The following SCN11A variants were observed in gnomAD, a reference collection of about 807,000 sequenced individuals.
SCN11A encodes sodium voltage-gated channel alpha subunit 11.
In SCN11A, 122 loss-of-function variants were observed where a neutral mutation model predicts 162.2. The ratio of observed to expected loss-of-function variants is 0.75; its 90% CI spans 0.65 to 0.87. The LOEUF is 0.87. SCN11A is among the 40% of genes least tolerant of loss of function. The pLI is 0.00. For synonymous variants in SCN11A, 758 were observed against 751.5 expected (o/e 1.01, Z -0.14); for missense variants, 2,015 against 2,181.6 (o/e 0.92, Z 1.52).
chr3:38,895,803 A>G (rs143133597), intron 18 of SCN11A, among the ~76,000 whole-genome samples: 42 of 151,212 alleles, frequency 2.8e-4, no homozygotes, highest in Non-Finnish European at 2.9e-5. Context: ...ATCTTCCACG[A>G]ATCCTTTCTC....
rs1432603091 is a variant in SCN11A at position 39,034,743 on chromosome 3, TAAAC to T, written c.-403-2244_-403-2241del. Among the ~76,000 whole-genome samples the T allele has an allele frequency of 3.3e-5, 5 of 152,184 alleles. No individual in the cohort carries two copies. In the East Asian group the frequency reaches 5.8e-4, roughly 18 times the overall value. On this transcript the variant is annotated intron_variant, in intron 1 of 29. Coordinates refer to ENST00000302328, the MANE Select transcript of SCN11A (RefSeq NM_001349253.2). ...TCTATCAAAAAACTATTAGAACTGATAAACAAATTCAGTAGAGTTGCAGGATATA... is the reference window on the plus strand; with the variant it reads ...TCTATCAAAAAACTATTAGAACTGATAAATTCAGTAGAGTTGCAGGATATA...
chr3:38,951,549 G>A (rs534624085), intron 4 of SCN11A, among the ~76,000 whole-genome samples: 1 of 152,396 alleles, frequency 6.6e-6, no homozygotes, highest in Non-Finnish European at 1.5e-5. Context: ...GCATGGCGCA[G>A]GACTGGCAGG....
chr3:38,921,284 G>T (rs1351056817), intron 9 of SCN11A, 29 bp from the exon 10 acceptor site: 37 of 1,604,470 alleles, frequency 2.3e-5, no homozygotes, highest in Non-Finnish European at 3.0e-5. Flanking sequence ...TTGGGGAGAA[G>T]CCCATCCCCC....
chr3:38,920,675 A>G (rs2066034175), intron 10 of SCN11A, among the ~76,000 whole-genome samples: 1 of 135,772 alleles, frequency 7.4e-6, no homozygotes, highest in South Asian at 2.4e-4. Context: ...ACAGAGCTAG[A>G]CTCCATCTCA....
chr3:38,937,083 C>T (rs1402017375), intron 7 of SCN11A, among the ~76,000 whole-genome samples: 2 of 152,142 alleles, frequency 1.3e-5, no homozygotes, highest in Admixed American at 6.6e-5. Flanking sequence ...CTACAACTAT[C>T]TGATCTTTGA....
chr3:38,894,532 C>T lies in SCN11A; in HGVS notation c.2835+1G>A. ...TTAAGTCTATGTGTGAACCTTCATA[C>T]CTGTTGTTCAGGCTCAGGTTGTGTG... On this transcript the variant is annotated splice_donor_variant, in intron 19 of 29. Coordinates refer to ENST00000302328, the MANE Select transcript of SCN11A (RefSeq NM_001349253.2). LOFTEE classifies it high-confidence loss of function. The T allele has an allele frequency of 6.3e-7, 1 of 1,595,906 alleles. No homozygotes were observed. Among genetic ancestry groups the T allele is most frequent in the Non-Finnish European group, 8.5e-7 (1 of 1,171,316 alleles).
intron 2 of SCN11A, among the ~76,000 whole-genome samples, chr3:38,983,504 G>T (rs1334474728): frequency 6.6e-6 from 1 of 152,102 alleles, no homozygotes; most frequent in Non-Finnish European, 1.5e-5. Flanking sequence ...ATAGAGAAAT[G>T]AACAAGGAAA....
chr3:38,923,147 A>C lies in SCN11A; in HGVS notation c.713-1892T>G, dbSNP rs1037272503. ...ATGACTTCCTCACCTGGCTTCCAGG[A>C]GACCACCTTTGGTTCCCCTCCTACT... On this transcript the variant is annotated intron_variant, in intron 9 of 29. Coordinates refer to ENST00000302328, the MANE Select transcript of SCN11A (RefSeq NM_001349253.2). Among the ~76,000 whole-genome samples, 11 of 152,130 alleles carry C rather than the reference A, an allele frequency of 7.2e-5. No homozygotes were observed. The East Asian group carries it at 2.1e-3, about 29-fold the overall frequency.
rs1241230517 is a variant in SCN11A, at chr3:38,894,875, T to C, written c.2493A>G (p.Lys831=). The change falls in exon 19 of 30, where the codon AAA becomes AAG. Residue 831 remains lysine (K), a synonymous_variant. Coordinates refer to ENST00000302328, the MANE Select transcript of SCN11A (RefSeq NM_001349253.2). ...GNLEGEARKT[K]VQLALDRFRR... Reference sequence around the variant, plus strand: ...GGAATCGATCCAGTGCTAACTGGACTTTAGTTTTCCTGGCCTCTCCTTCTA... The same window carrying C: ...GGAATCGATCCAGTGCTAACTGGACCTTAGTTTTCCTGGCCTCTCCTTCTA... The C allele has an allele frequency of 1.2e-6, 2 of 1,614,168 alleles. No individual in the cohort carries two copies. Among genetic ancestry groups the C allele is most frequent in the South Asian group, 1.1e-5 (1 of 91,086 alleles).
chr3:38,926,268 A>G (rs1319669259), intron 8 of SCN11A, among the ~76,000 whole-genome samples: 1 of 152,190 alleles, frequency 6.6e-6, no homozygotes, highest in Non-Finnish European at 1.5e-5. Context: ...GAAACATAAA[A>G]GCCAAAACTA....
chr3:38,852,443 T>A (rs1250508241), intron 28 of SCN11A, among the ~76,000 whole-genome samples: 1 of 152,006 alleles, frequency 6.6e-6, no homozygotes. Context: ...TCTAGACAAA[T>A]AGAGGAGATT....
chr3:38,970,807 C>T (rs1264487383), intron 2 of SCN11A, among the ~76,000 whole-genome samples: 2 of 152,232 alleles, frequency 1.3e-5, no homozygotes, highest in Non-Finnish European at 2.9e-5. Context: ...CACACCCTGA[C>T]CATGAAGGCT....
At chr3:38,848,919 A>G (rs988102246) in intron 29 of SCN11A, among the ~76,000 whole-genome samples, 1 of 152,224 alleles carries the variant, frequency 6.6e-6, no homozygotes, top group Non-Finnish European at 1.5e-5. Context: ...ACTGAGGCTA[A>G]AGCGTTGGAC....
chr3:39,047,059 CCCCCA>C, intron 1 of SCN11A, among the ~76,000 whole-genome samples: 1 of 90,102 alleles, frequency 1.1e-5, no homozygotes, highest in Non-Finnish European at 2.0e-5. Flanking sequence ...CCCACCCCCA[CCCCCA>C]CCCCCTTTTT....
At chr3:38,935,754 G>A (rs1490877821) in intron 7 of SCN11A, among the ~76,000 whole-genome samples, 3 of 152,196 alleles carry the variant, frequency 2.0e-5, no homozygotes, top group African/African-American at 7.2e-5. Flanking sequence ...AAAGAGTCCA[G>A]GACCAGATGG....
chr3:39,045,547 C>T (rs371006341), intron 1 of SCN11A, among the ~76,000 whole-genome samples: 14 of 152,054 alleles, frequency 9.2e-5, no homozygotes, highest in Non-Finnish European at 1.3e-4. Context: ...AAAAACCAAA[C>T]GATCATCTTA....
chr3:38,875,430 G>A (rs1193935924), intron 23 of SCN11A, among the ~76,000 whole-genome samples: 1 of 152,000 alleles, frequency 6.6e-6, no homozygotes, highest in East Asian at 1.9e-4. Flanking sequence ...TGGGCCTCTT[G>A]ATGATATGAT....
intron 2 of SCN11A, among the ~76,000 whole-genome samples, chr3:39,028,235 A>T (rs2031638995): frequency 6.6e-6 from 1 of 152,152 alleles, no homozygotes; most frequent in Admixed American, 6.5e-5. Context: ...AGATGCTCTC[A>T]CTGAAGATCT....
At position 38,921,161 on chromosome 3, in the gene SCN11A, C is replaced by G. The variant is rs1301840139; in HGVS notation, c.807G>C (p.Leu269=). ...TTCCCATGAAGAGCTGCTGACCTAC[C>G]AGGGCAAAGATGCTGAGGCAAAAGA... ...LTFFCLSIFA[L]VGQQLFMGSL... Residue 269 remains leucine (L), a synonymous_variant, in exon 10 of 30, where the codon CTG becomes CTC. Coordinates refer to ENST00000302328, the MANE Select transcript of SCN11A (RefSeq NM_001349253.2). The G allele has an allele frequency of 6.2e-7, 1 of 1,614,102 alleles. No individual in the cohort carries two copies. The highest frequency in any genetic ancestry group is 1.1e-5 in the South Asian group (1 of 91,084).
Sources: allele counts gnomAD v4.1 joint callset (sites outside exome capture counted in the v4.1 genomes callset), GRCh38; gene constraint gnomAD v4.1.1; transcripts MANE v1.5; gene names NCBI Gene and HGNC (gene_info 2026-07-23, HGNC 2026-07-21).